BTK: variants seen among roughly 807,000 people sequenced by gnomAD.
BTK encodes the protein tyrosine-protein kinase BTK.
BTK carries 5 observed loss-of-function variants against 57.4 expected under a neutral mutation model. That is an observed-to-expected ratio of 0.09 (90% CI 0.05 to 0.18). The LOEUF is 0.18. BTK is among the 10% of genes least tolerant of loss of function. The probability of loss-of-function intolerance (pLI) is 1.00; values close to 1 mark genes in which losing one functional copy is unlikely to be tolerated. For synonymous variants in BTK, 154 were observed against 174.3 expected (o/e 0.88, Z 0.92); for missense variants, 194 against 501.2 (o/e 0.39, Z 5.85).
At chrX:101,362,777 C>A (rs1477435665) in intron 5 of BTK, 88 bp from the exon 6 acceptor site, 4 of 1,163,656 alleles carry the variant, frequency 3.4e-6, no homozygotes, top group Non-Finnish European at 4.7e-6. Flanking sequence ...TAGTGGTGAA[C>A]TTCAAGCAAC....
chrX:101,384,605 C>CA (rs10586954), intron 1 of BTK, among the ~76,000 whole-genome samples: 50 of 83,837 alleles, frequency 6.0e-4, no homozygotes, highest in East Asian at 3.2e-3. Flanking sequence ...AACTCCGTGT[C>CA]AAAAAAAAAA....
intron 5 of BTK, among the ~76,000 whole-genome samples, chrX:101,364,556 GTTC>G (rs1365876917): frequency 3.1e-5 from 3 of 97,670 alleles, no homozygotes; most frequent in Admixed American, 2.3e-4. Context: ...ATGAACAAAA[GTTC>G]TTTTTTTTTT....
chrX:101,367,611 G>A (rs1311678359), intron 5 of BTK, among the ~76,000 whole-genome samples: 3 of 109,251 alleles, frequency 2.7e-5, no homozygotes, highest in Non-Finnish European at 5.7e-5. Flanking sequence ...ACTCCAGCCT[G>A]GGTGACAAGA....
intron 3 of BTK, among the ~76,000 whole-genome samples, chrX:101,373,568 A>G (rs1309372664): frequency 1.8e-5 from 2 of 112,544 alleles, no homozygotes; most frequent in African/African-American, 6.4e-5. Context: ...TGACATATAT[A>G]TAAGTGTATG....
intron 1 of BTK, among the ~76,000 whole-genome samples, chrX:101,377,070 T>C (rs2147450153): frequency 9.0e-6 from 1 of 111,220 alleles, no homozygotes; most frequent in East Asian, 2.8e-4. Flanking sequence ...CAATATTTTG[T>C]AAATTAGATT....
At chrX:101,370,223 AG>A in intron 4 of BTK, 144 bp from the exon 5 acceptor site, 2 of 528,130 alleles carry the variant, frequency 3.8e-6, no homozygotes, top group Admixed American at 5.5e-5. Flanking sequence ...AATGGTGTTC[AG>A]GTTATGTGAA....
At chrX:101,351,655 A>G (rs1926289448) in intron 18 of BTK, among the ~76,000 whole-genome samples, 1 of 111,712 alleles carries the variant, frequency 9.0e-6, no homozygotes, top group Non-Finnish European at 1.9e-5. Flanking sequence ...TTAGGTTGCC[A>G]AGGATCTACT....
At chrX:101,355,208 C>T (rs1296300942) in intron 15 of BTK, among the ~76,000 whole-genome samples, 1 of 112,159 alleles carries the variant, frequency 8.9e-6, no homozygotes. Flanking sequence ...ATCTGGGAGG[C>T]GGAGTTTGCA....
intron 8 of BTK, 117 bp downstream of exon 8, chrX:101,360,451 T>C: frequency 1.2e-6 from 1 of 809,696 alleles, no homozygotes; most frequent in Non-Finnish European, 1.8e-6. Flanking sequence ...ATGTTCAGTC[T>C]GGTGTGGGAA....
chrX:101,359,364 C>A lies in BTK; in HGVS notation c.840-17G>T. 1.2e-5 allele frequency: 15 copies of A among 1,209,250 alleles called. No homozygotes were observed. The highest frequency in any genetic ancestry group is 1.6e-5 in the Non-Finnish European group (14 of 893,200). On this transcript the variant is annotated splice_polypyrimidine_tract_variant and intron_variant, in intron 9 of 18. Coordinates refer to ENST00000308731, the MANE Select transcript of BTK (RefSeq NM_000061.3). Reference sequence around the variant, plus strand: ...GAATACCACCTGTGAAGGGAGAGTGCTGCTTGAGTGGCTCCTGGTCATAAG... The same window carrying A: ...GAATACCACCTGTGAAGGGAGAGTGATGCTTGAGTGGCTCCTGGTCATAAG...
At chrX:101,363,835 C>A (rs781803315) in intron 5 of BTK, among the ~76,000 whole-genome samples, 1 of 107,998 alleles carries the variant, frequency 9.3e-6, no homozygotes, top group African/African-American at 3.3e-5. Flanking sequence ...CAGGAACACG[C>A]ACATTTGAGA....
intron 5 of BTK, 120 bp downstream of exon 5, chrX:101,369,878 G>C: frequency 8.4e-6 from 5 of 597,654 alleles, no homozygotes; most frequent in Admixed American, 3.4e-5. Context: ...TTCTCTCTAC[G>C]TTTCTCCTTT....
upstream of BTK, among the ~76,000 whole-genome samples, chrX:101,390,147 T>G (rs992415454): frequency 1.5e-4 from 17 of 112,138 alleles, no homozygotes; most frequent in African/African-American, 5.5e-4. Flanking sequence ...TAGTACCACC[T>G]GTCTCCTAGA....
upstream of BTK, among the ~76,000 whole-genome samples, chrX:101,389,699 G>GC (rs1555982932): frequency 9.0e-6 from 1 of 111,290 alleles, no homozygotes; most frequent in Non-Finnish European, 1.9e-5. Context: ...CACTGCAGAT[G>GC]CCCCTGCTTC....
At chrX:101,385,961 G>A (rs1927598262) in intron 1 of BTK, 101 bp downstream of exon 1, 1 of 111,161 alleles carries the variant, frequency 9.0e-6, no homozygotes, top group Admixed American at 9.6e-5. Context: ...TCCTCCACTA[G>A]CTGATAAATG....
intron 5 of BTK, among the ~76,000 whole-genome samples, chrX:101,367,623 C>T (rs895092920): frequency 1.5e-4 from 16 of 106,071 alleles, no homozygotes; most frequent in Non-Finnish European, 2.9e-4. Flanking sequence ...GTGACAAGAG[C>T]GAAACTCCAT....
chrX:101,350,449 G>GT (rs1255601719), intron 18 of BTK, among the ~76,000 whole-genome samples: 474 of 73,862 alleles, frequency 6.4e-3, no homozygotes, highest in African/African-American at 8.5e-3. Flanking sequence ...AAAGACTAAG[G>GT]TTTTTTTTTT....
intron 1 of BTK, among the ~76,000 whole-genome samples, chrX:101,381,921 A>G (rs782540955): frequency 3.7e-5 from 4 of 107,754 alleles, no homozygotes; most frequent in East Asian, 5.8e-4. Flanking sequence ...AATCCCAGTT[A>G]CTCAGGAGGC....
At chrX:101,377,579 C>G (rs1453511382) in intron 1 of BTK, among the ~76,000 whole-genome samples, 2 of 111,238 alleles carry the variant, frequency 1.8e-5, no homozygotes, top group Non-Finnish European at 3.8e-5. Context: ...GACCCACCAT[C>G]TGTTTCATTC....
Sources: allele counts gnomAD v4.1 joint callset (sites outside exome capture counted in the v4.1 genomes callset), GRCh38; gene constraint gnomAD v4.1.1; transcripts MANE v1.5; gene names NCBI Gene and HGNC (gene_info 2026-07-23, HGNC 2026-07-21).